The following KIAA0825 variants were observed in gnomAD, a reference collection of about 807,000 sequenced individuals.
The protein encoded by KIAA0825 is uncharacterized protein KIAA0825.
Under a neutral mutation model 147.6 loss-of-function variants are expected in KIAA0825, and 119 were observed. The observed-to-expected ratio is 0.81, with a 90% confidence interval of 0.69 to 0.94. The LOEUF is 0.94. KIAA0825 is among the 40% of genes least tolerant of loss of function. The pLI, the probability that KIAA0825 is intolerant of heterozygous loss-of-function variation, is 0.00. For missense variants in KIAA0825, 1,381 were observed against 1,472.7 expected (o/e 0.94, Z 1.02); for synonymous variants, 470 against 518.1 (o/e 0.91, Z 1.26).
At chr5:94,593,540 C>T in intron 1 of KIAA0825, 1 of 592,844 alleles carries the variant, frequency 1.7e-6, no homozygotes, top group Non-Finnish European at 3.2e-6. Flanking sequence ...TTTTTTGTAG[C>T]ATTGGGACCC....
At chr5:94,566,822 T>G (rs1401388227) in intron 2 of KIAA0825, among the ~76,000 whole-genome samples, 2 of 152,144 alleles carry the variant, frequency 1.3e-5, no homozygotes, top group Non-Finnish European at 2.9e-5. Flanking sequence ...ATGAAGTACA[T>G]TCTCAATTTT....
intron 20 of KIAA0825, among the ~76,000 whole-genome samples, chr5:94,181,473 A>G (rs1375999258): frequency 6.6e-6 from 1 of 152,254 alleles, no homozygotes; most frequent in Middle Eastern, 3.2e-3. Context: ...TTTAAGGATT[A>G]TCAGGCTTCA....
At chr5:94,599,826 CA>C (rs1304049159) in intron 1 of KIAA0825, among the ~76,000 whole-genome samples, 4 of 152,018 alleles carry the variant, frequency 2.6e-5, no homozygotes, top group Non-Finnish European at 2.9e-5. Context: ...CTGCAGGAGG[CA>C]ATGGAATGCC....
intron 12 of KIAA0825, among the ~76,000 whole-genome samples, chr5:94,461,422 C>T (rs962885378): frequency 3.3e-5 from 5 of 151,906 alleles, no homozygotes; most frequent in African/African-American, 1.2e-4. Context: ...GAGCTTTTTA[C>T]GATTATGAAC....
intron 2 of KIAA0825, among the ~76,000 whole-genome samples, chr5:94,577,951 T>C (rs945688613): frequency 6.6e-6 from 1 of 152,198 alleles, no homozygotes; most frequent in African/African-American, 2.4e-5. Context: ...TTGAACTAAT[T>C]GCACTAAACT....
chr5:94,262,261 G>A (rs905156922), intron 20 of KIAA0825, among the ~76,000 whole-genome samples: 4 of 151,994 alleles, frequency 2.6e-5, no homozygotes, highest in Non-Finnish European at 5.9e-5. Flanking sequence ...CTATCAAATT[G>A]AGAAAGATTT....
intron 18 of KIAA0825, 98 bp downstream of exon 18, chr5:94,391,437 G>A (rs1023085038): frequency 3.5e-6 from 4 of 1,157,494 alleles, no homozygotes; most frequent in African/African-American, 1.6e-5. Context: ...TTGACTTTAA[G>A]AAGTATTATC....
rs377441159 is a variant in KIAA0825, at chr5:94,409,633, T to C, written c.2663-5840A>G. ...TAAGAAGCCAAGCAAAAAACAACTA[T>C]TGAGAAACTGTTAGCTGAACAGTTA... is the stretch of plus-strand genomic sequence containing the variant. On this transcript the variant is annotated intron_variant, in intron 15 of 20. Coordinates refer to ENST00000682413, the MANE Select transcript of KIAA0825 (RefSeq NM_001145678.3). 1.1e-3 allele frequency among the ~76,000 whole-genome samples: 166 copies of C among 152,302 alleles called. 2 individuals carry two copies. The highest frequency in any genetic ancestry group is 3.9e-3 in the African/African-American group (160 of 41,558).
chr5:94,617,055 G>C (rs1015044068), intron 1 of KIAA0825, among the ~76,000 whole-genome samples: 1 of 152,080 alleles, frequency 6.6e-6, no homozygotes, highest in Admixed American at 6.5e-5. Flanking sequence ...TTGCAAAATA[G>C]AAATAATACA....
intron 5 of KIAA0825, among the ~76,000 whole-genome samples, chr5:94,508,688 C>A (rs79739785): frequency 6.6e-6 from 1 of 152,086 alleles, no homozygotes; most frequent in African/African-American, 2.4e-5. Context: ...GATTCTGAAC[C>A]GATATATTAA....
chr5:94,356,618 A>C (rs566920846), intron 20 of KIAA0825, among the ~76,000 whole-genome samples: 1 of 152,104 alleles, frequency 6.6e-6, no homozygotes, highest in East Asian at 1.9e-4. Flanking sequence ...CTCAAAAAAA[A>C]CAAAAAGACA....
intron 20 of KIAA0825, among the ~76,000 whole-genome samples, chr5:94,159,846 C>T (rs1228282984): frequency 6.6e-6 from 1 of 152,122 alleles, no homozygotes; most frequent in African/African-American, 2.4e-5. Context: ...CTTAAGCCTC[C>T]TGTTTAATGT....
At chr5:94,447,512 T>C (rs866181359) in intron 13 of KIAA0825, among the ~76,000 whole-genome samples, 9 of 152,108 alleles carry the variant, frequency 5.9e-5, no homozygotes, top group Non-Finnish European at 7.4e-5. Context: ...GCAAATACAA[T>C]TGATTTCTTC....
chr5:94,260,084 T>C (rs748727998), intron 20 of KIAA0825, among the ~76,000 whole-genome samples: 1 of 152,136 alleles, frequency 6.6e-6, no homozygotes, highest in Non-Finnish European at 1.5e-5. Context: ...ACAAGTGCAT[T>C]GAAATTCATC....
At chr5:94,259,844 T>C (rs904740157) in intron 20 of KIAA0825, among the ~76,000 whole-genome samples, 7 of 151,930 alleles carry the variant, frequency 4.6e-5, no homozygotes, top group Non-Finnish European at 1.0e-4. Flanking sequence ...GTAGCATTGC[T>C]AATATTTTTA....
chr5:94,206,215 G>C (rs1370169687), intron 20 of KIAA0825, among the ~76,000 whole-genome samples: 3 of 152,022 alleles, frequency 2.0e-5, no homozygotes, highest in African/African-American at 7.2e-5. Context: ...TTTTATGTCT[G>C]TTATGATTTC....
chr5:94,594,442 A>C, intron 1 of KIAA0825: 3 of 736,412 alleles, frequency 4.1e-6, no homozygotes, highest in South Asian at 2.7e-5. Flanking sequence ...CATACAGTAG[A>C]TTTTGAGTGT....
intron 14 of KIAA0825, among the ~76,000 whole-genome samples, chr5:94,423,072 C>T (rs1754404831): frequency 6.6e-6 from 1 of 152,136 alleles, no homozygotes; most frequent in Admixed American, 6.6e-5. Flanking sequence ...TGCATTCTGG[C>T]CTGATCTCCT....
intron 20 of KIAA0825, among the ~76,000 whole-genome samples, chr5:94,278,736 T>C (rs1173690034): frequency 2.0e-5 from 3 of 152,156 alleles, no homozygotes; most frequent in Non-Finnish European, 4.4e-5. Flanking sequence ...GTCATATTTT[T>C]GACAGTAAAT....
Sources: gnomAD v4.1 joint callset for allele counts (sites outside exome capture counted in the v4.1 genomes callset) on GRCh38, gnomAD v4.1.1 for gene constraint, MANE v1.5 for transcripts, NCBI Gene and HGNC (gene_info 2026-07-23, HGNC 2026-07-21) for gene names.